The following CCNH variants were observed in gnomAD, a reference collection of about 807,000 sequenced individuals.
CCNH encodes cyclin-H.
A neutral mutation model predicts 41.9 loss-of-function variants in CCNH; 31 were observed. The observed-to-expected ratio is 0.74, with a 90% CI of 0.56 to 1.00. CCNH has a LOEUF of 1.00. Among genes scored for constraint, CCNH ranks in the 50% least tolerant of loss-of-function variants. The pLI, the probability that CCNH is intolerant of heterozygous loss-of-function variation, is 0.00. For synonymous variants in CCNH, 138 were observed against 136.1 expected (o/e 1.01, Z -0.10); for missense variants, 362 against 388.4 (o/e 0.93, Z 0.57).
intron 9 of CCNH, among the ~76,000 whole-genome samples, chr5:87,368,134 A>T (rs1387623391): frequency 6.7e-6 from 1 of 148,474 alleles, no homozygotes; most frequent in Non-Finnish European, 1.5e-5. Flanking sequence ...GAGTCTGGTT[A>T]AAAAAAAAGT....
At chr5:87,357,925 CAG>C (rs747679951) in intron 9 of CCNH, among the ~76,000 whole-genome samples, 1 of 152,126 alleles carries the variant, frequency 6.6e-6, no homozygotes, top group East Asian at 1.9e-4. Flanking sequence ...GATTGCTACA[CAG>C]AAACTATTAA....
intron 9 of CCNH, among the ~76,000 whole-genome samples, chr5:87,359,010 C>G (rs926010594): frequency 6.6e-6 from 1 of 152,160 alleles, no homozygotes; most frequent in Non-Finnish European, 1.5e-5. Flanking sequence ...GGAGCACTTA[C>G]CTTCTAACAT....
rs3789174 is a variant in CCNH, at chr5:87,331,012, A to G, written c.*91-12115T>C. On this transcript the variant is annotated intron_variant and NMD_transcript_variant, in intron 9 of 9. Coordinates refer to the CCNH transcript ENST00000645953. ...GTAAATTAATCATTTCCATTTGTCT[A>G]TCTTTTATTTTTCTAAGTAAAGATC... The G allele has an allele frequency of 1.0e-5, 14 of 1,377,460 alleles. No homozygotes were observed. The East Asian group carries it at 1.8e-4, about 17-fold the overall frequency. The allele number at this position is 1,377,460 out of a possible 1,614,324, so 85.3% of individuals were successfully genotyped here.
downstream of CCNH, among the ~76,000 whole-genome samples, chr5:87,313,607 TAA>T (rs1318206941): frequency 6.6e-6 from 1 of 152,206 alleles, no homozygotes; most frequent in Non-Finnish European, 1.5e-5. Context: ...GAAGATGACT[TAA>T]ATGTCCCCCA....
chr5:87,383,005 T>C (rs558096216), intron 9 of CCNH, among the ~76,000 whole-genome samples: 158 of 152,100 alleles, frequency 1.0e-3, no homozygotes, highest in Non-Finnish European at 1.7e-3. Context: ...GGCAAGAGAA[T>C]TGTTTGATCC....
chr5:87,391,561 G>C (rs1762520643), downstream of CCNH: 5 of 236,674 alleles, frequency 2.1e-5, no homozygotes, highest in Admixed American at 5.3e-5. Flanking sequence ...ACTGTATTTA[G>C]ATCTCATAAT....
At position 87,376,726 on chromosome 5, in the gene CCNH, A is replaced by G. The variant is rs6888938; in HGVS notation, n.455T>C. ...TTATACTGTAATTTTGGTAGAAATA[A>G]GTAGACTACGAATTCATTCTATTTT... On this transcript the variant is annotated non_coding_transcript_exon_variant, in exon 1 of 1. Transcript: ENST00000607486. 32,430 of 1,215,692 alleles carry G rather than the reference A, an allele frequency of 0.027. 1,477 individuals are homozygous for G. The highest frequency in any genetic ancestry group is 0.19 in the African/African-American group (12,408 of 65,038). The allele number at this position is 1,215,692 out of a possible 1,614,324, so 75.3% of individuals were successfully genotyped here.
chr5:87,381,724 G>A (rs567375918), upstream of CCNH, among the ~76,000 whole-genome samples: 5 of 152,258 alleles, frequency 3.3e-5, no homozygotes, highest in African/African-American at 4.8e-5. Context: ...GCACAGTTAC[G>A]TGTGAGATGT....
chr5:87,354,895 A>C (rs949961313), intron 9 of CCNH, among the ~76,000 whole-genome samples: 6 of 152,208 alleles, frequency 3.9e-5, no homozygotes, highest in Admixed American at 1.3e-4. Flanking sequence ...ATTGAAGATT[A>C]AACCAGGGAT....
intron 9 of CCNH, among the ~76,000 whole-genome samples, chr5:87,346,357 C>A (rs1452301779): frequency 7.9e-5 from 12 of 151,950 alleles, no homozygotes; most frequent in African/African-American, 2.4e-5. Flanking sequence ...ACTCCTCCTT[C>A]CCCTTACCCC....
chr5:87,342,817 AAG>A (rs1317750098), intron 9 of CCNH, among the ~76,000 whole-genome samples: 1 of 152,192 alleles, frequency 6.6e-6, no homozygotes, highest in Non-Finnish European at 1.5e-5. Context: ...TTTTCAAAAA[AAG>A]ACCATAAATC....
intron 9 of CCNH, among the ~76,000 whole-genome samples, chr5:87,344,282 A>G (rs972112826): frequency 6.6e-6 from 1 of 152,168 alleles, no homozygotes; most frequent in Non-Finnish European, 1.5e-5. Context: ...TGCTTGTATC[A>G]AAACATCACT....
chr5:87,400,987 G>A (rs757787551), intron 6 of CCNH, among the ~76,000 whole-genome samples: 1 of 152,184 alleles, frequency 6.6e-6, no homozygotes, highest in Non-Finnish European at 1.5e-5. Context: ...GATAAGTCTT[G>A]ATTACGCAGG....
intron 7 of CCNH, among the ~76,000 whole-genome samples, chr5:87,397,415 C>T (rs1356235875): frequency 6.6e-6 from 1 of 152,170 alleles, no homozygotes; most frequent in Admixed American, 6.5e-5. Flanking sequence ...CCGCCTTAGC[C>T]TCCCAAACTG....
Position 87,338,028 on chromosome 5 carries a change from G to A in CCNH, c.*91-19131C>T, listed in dbSNP as rs750646686. 6 of 1,612,160 alleles carry A rather than the reference G, an allele frequency of 3.7e-6. No individual in the cohort carries two copies. The highest frequency in any genetic ancestry group is 5.1e-6 in the Non-Finnish European group (6 of 1,178,994). ...ATAATGAATTAGAAGATGGATGGAT[G>A]TGGGTTACAAATTTAAGAACAGATG... On this transcript the variant is annotated intron_variant and NMD_transcript_variant, in intron 9 of 9. Transcript: ENST00000645953.
chr5:87,403,544 T>C (rs1763570413), intron 5 of CCNH, among the ~76,000 whole-genome samples: 1 of 152,090 alleles, frequency 6.6e-6, no homozygotes, highest in South Asian at 2.1e-4. Flanking sequence ...TTGGGAGGCC[T>C]AGGCAGGAGA....
chr5:87,392,487 AC>A (rs943177941), downstream of CCNH: 6 of 376,858 alleles, frequency 1.6e-5, no homozygotes, highest in African/African-American at 1.3e-4. Flanking sequence ...TCTCCTTTCC[AC>A]CCCTTCTGTT....
intron 9 of CCNH, among the ~76,000 whole-genome samples, chr5:87,327,968 C>CAA (rs777320325): frequency 3.3e-4 from 37 of 112,046 alleles, no homozygotes; most frequent in African/African-American, 8.5e-4. Context: ...CTCCGTTTCC[C>CAA]AAAAAAAAAA....
At chr5:87,388,119 T>C (rs1052809362), downstream of CCNH, among the ~76,000 whole-genome samples, 1 of 152,224 alleles carries the variant, frequency 6.6e-6, no homozygotes, top group Non-Finnish European at 1.5e-5. Context: ...GTATCTGTGA[T>C]ATATAATTCT....
Sources: allele counts gnomAD v4.1 joint callset (sites outside exome capture counted in the v4.1 genomes callset), GRCh38; gene constraint gnomAD v4.1.1; transcripts MANE v1.5; gene names NCBI Gene and HGNC (gene_info 2026-07-23, HGNC 2026-07-21).